ACSS2: variants seen among roughly 807,000 people sequenced by gnomAD.
ACSS2 encodes acetyl-coenzyme A synthetase, cytoplasmic.
Under a neutral mutation model 90.6 loss-of-function variants are expected in ACSS2, and 58 were observed. That is an observed-to-expected ratio of 0.64 (90% CI 0.52 to 0.80). ACSS2 has a LOEUF of 0.80. Ranked by LOEUF, ACSS2 falls within the 30% of genes least tolerant of loss-of-function variation. The probability of loss-of-function intolerance (pLI) is 0.00; values close to 1 mark genes in which losing one functional copy is unlikely to be tolerated. For synonymous variants in ACSS2, 300 were observed against 330.9 expected (o/e 0.91, Z 1.01); for missense variants, 759 against 912.0 (o/e 0.83, Z 2.16).
intron 4 of ACSS2, 105 bp downstream of exon 4, chr20:34,913,601 T>C: frequency 7.7e-7 from 1 of 1,299,176 alleles, no homozygotes; most frequent in Non-Finnish European, 1.1e-6. Flanking sequence ...CTAAGGAGCT[T>C]AGAAGGTTTG....
At chr20:34,913,529 G>C (rs200869991) in intron 4 of ACSS2, 33 bp downstream of exon 4, 79 of 1,567,868 alleles carry the variant, frequency 5.0e-5, no homozygotes, top group African/African-American at 4.5e-4. Flanking sequence ...AGGGGCAGGC[G>C]GGGGGGTGGG....
chr20:34,878,895 C>CTTTTTTTT (rs11299664), intron 1 of ACSS2, among the ~76,000 whole-genome samples: 2 of 128,512 alleles, frequency 1.6e-5, no homozygotes, highest in African/African-American at 2.9e-5. Context: ...TTCTGCTTTT[C>CTTTTTTTT]TTTTTTTTTT....
Position 34,914,250 on chromosome 20 carries a change from T to C in ACSS2, c.720-73T>C, listed in dbSNP as rs1375327409. 9.4e-6 allele frequency: 15 copies of C among 1,601,206 alleles called. No individual in the cohort carries two copies. The East Asian group carries it at 3.4e-4, about 36-fold the overall frequency. ...TTCCCTTTGTCCCCTCTACCCTAAA[T>C]GGACATGGGTGGGTCTTGCCAAGTT... On this transcript the variant is annotated intron_variant, in intron 6 of 17. Coordinates refer to ENST00000360596, the MANE Select transcript of ACSS2 (RefSeq NM_018677.4).
chr20:34,875,071 C>A (rs758315821), upstream of ACSS2: 1 of 534,680 alleles, frequency 1.9e-6, no homozygotes, highest in Non-Finnish European at 3.8e-6. Context: ...ATTTAAGAAT[C>A]CTTCCTGCCT....
rs775356311 is a variant in ACSS2, at chr20:34,921,367, G to A, written c.1315G>A (p.Gly439Ser). ...ATCCTTGCAGGTGTTAGGCACAGTG[G>A]GTGAACCCATCAACCCTGAGGCCTG... ...RASLQVLGTV[G>S]EPINPEAWLW... is the part of the protein sequence containing the mutation. Residue 439 changes from glycine (G) to serine (S), a missense_variant, in exon 11 of 18, where the codon GGT (glycine) becomes AGT (serine). By Grantham distance (56) the Gly-to-Ser change is moderately conservative. Transcript: ENST00000360596. 1.2e-6 allele frequency: 2 copies of A among 1,614,210 alleles called. No individual in the cohort carries two copies. The highest frequency in any genetic ancestry group is 1.7e-6 in the Non-Finnish European group (2 of 1,180,036).
At chr20:34,895,938 T>C (rs2080449590) in intron 2 of ACSS2, among the ~76,000 whole-genome samples, 1 of 152,264 alleles carries the variant, frequency 6.6e-6, no homozygotes, top group African/African-American at 2.4e-5. Context: ...GTGTCTATTA[T>C]ACTTGAGAGA....
intron 2 of ACSS2, among the ~76,000 whole-genome samples, chr20:34,884,794 C>T (rs1286303872): frequency 7.9e-5 from 12 of 152,216 alleles, no homozygotes; most frequent in Admixed American, 6.5e-4. Context: ...CATGGTGGCT[C>T]ATGCCTGTAA....
At position 34,927,068 on chromosome 20, in the gene ACSS2, G is replaced by C. The variant is rs1244436293; in HGVS notation, c.1979-19G>C. The C allele has an allele frequency of 1.2e-6, 2 of 1,614,178 alleles. No homozygotes were observed. The highest frequency in any genetic ancestry group is 2.2e-5 in the South Asian group (2 of 91,076). ...GGTCAGTGCTTTCACCAAGTAACTA[G>C]AGGTCTGTGGTTCCCCAGGGAAAAT... On this transcript the variant is annotated intron_variant, in intron 17 of 17. Coordinates refer to ENST00000360596, the MANE Select transcript of ACSS2 (RefSeq NM_018677.4). This position sits in a 1 kb window ranked among gnomAD's most constrained non-coding sequence, Gnocchi z 4.2.
At chr20:34,876,993 G>T (rs185202167) in intron 1 of ACSS2, among the ~76,000 whole-genome samples, 170 bp downstream of exon 1, 97 of 152,310 alleles carry the variant, frequency 6.4e-4, no homozygotes, top group African/African-American at 2.2e-3. Flanking sequence ...GGGAGGAGAC[G>T]AGGGTTCCAT....
At chr20:34,899,435 C>T (rs368127533) in intron 2 of ACSS2, among the ~76,000 whole-genome samples, 846 of 42,638 alleles carry the variant, frequency 0.02, 13 homozygotes, top group African/African-American at 0.041. Context: ...TCCTTCCTTC[C>T]TTCCTTCCTT....
chr20:34,914,489 CCTGCCTA>C (rs1568992042), intron 7 of ACSS2, 52 bp downstream of exon 7: 1 of 1,493,762 alleles, frequency 6.7e-7, no homozygotes, highest in East Asian at 2.3e-5. Context: ...CTTCACTTTT[CCTGCCTA>C]GAAAATTCTT....
At chr20:34,895,703 C>A (rs1278861563) in intron 2 of ACSS2, among the ~76,000 whole-genome samples, 1 of 152,070 alleles carries the variant, frequency 6.6e-6, no homozygotes, top group East Asian at 1.9e-4. Context: ...TCTTGTTTAA[C>A]GTGGGAGAAG....
intron 3 of ACSS2, 75 bp from the exon 4 acceptor site, chr20:34,913,302 CAGGTCAGCTGGGAGGG>C: frequency 6.5e-7 from 1 of 1,542,600 alleles, no homozygotes; most frequent in Non-Finnish European, 9.0e-7. Flanking sequence ...AGGAAGAGAA[CAGGTCAGCTGGGAGGG>C]AGGCCAGCTG....
rs191328438 is a variant in ACSS2, at chr20:34,877,771, A to G, written c.178+948A>G. ...GAGGCAGAGGTTGCAGTGAGCCACG[A>G]TAGCACCACTGCACTCCAGCCTGGG... is the stretch of plus-strand genomic sequence containing the variant. On this transcript the variant is annotated intron_variant, in intron 1 of 17. Transcript: ENST00000360596. 3.4e-3 allele frequency among the ~76,000 whole-genome samples: 501 copies of G among 146,084 alleles called. 2 individuals carry two copies. Among genetic ancestry groups the G allele is most frequent in the African/African-American group, 0.012 (478 of 39,710 alleles).
intron 2 of ACSS2, among the ~76,000 whole-genome samples, chr20:34,884,807 C>T (rs2080150199): frequency 6.6e-6 from 1 of 152,194 alleles, no homozygotes; most frequent in Non-Finnish European, 1.5e-5. Context: ...GCCTGTAATC[C>T]CAGCACTTTG....
At chr20:34,881,193 T>A (rs1325542024) in intron 1 of ACSS2, among the ~76,000 whole-genome samples, 1 of 128,088 alleles carries the variant, frequency 7.8e-6, no homozygotes, top group African/African-American at 3.5e-5. Flanking sequence ...CACCTGGCAA[T>A]TTTTTTTTTT....
At chr20:34,894,075 A>G (rs887114527) in intron 2 of ACSS2, among the ~76,000 whole-genome samples, 1 of 151,946 alleles carries the variant, frequency 6.6e-6, no homozygotes, top group African/African-American at 2.4e-5. Flanking sequence ...TGACCATGAT[A>G]TTTTAATACA....
chr20:34,896,020 C>CT (rs59041974), intron 2 of ACSS2, among the ~76,000 whole-genome samples: 3,587 of 152,280 alleles, frequency 0.024, 146 homozygotes, highest in African/African-American at 0.082. Flanking sequence ...GCATATTCCT[C>CT]TTTTGGGCTG....
intron 2 of ACSS2, among the ~76,000 whole-genome samples, chr20:34,883,453 T>C (rs2080115549): frequency 1.3e-5 from 2 of 152,216 alleles, no homozygotes; most frequent in African/African-American, 4.8e-5. Context: ...TCATTTTACA[T>C]AGGTGAAAAC....
Sources: allele counts gnomAD v4.1 joint callset (sites outside exome capture counted in the v4.1 genomes callset), GRCh38; gene constraint gnomAD v4.1.1; non-coding constraint Gnocchi (gnomAD v3.1); transcripts MANE v1.5; gene names NCBI Gene and HGNC (gene_info 2026-07-23, HGNC 2026-07-21).